The following PCDHA1 variants were observed in gnomAD, a reference collection of about 807,000 sequenced individuals.
The protein encoded by PCDHA1 is protocadherin alpha-1.
PCDHA1 carries 42 observed loss-of-function variants against 61.3 expected under a neutral mutation model. The ratio of observed to expected loss-of-function variants is 0.69; its 90% CI spans 0.54 to 0.89. The LOEUF (loss-of-function observed/expected upper bound fraction) is 0.89. Among genes scored for constraint, PCDHA1 ranks in the 40% least tolerant of loss-of-function variants. The pLI is 0.00. For missense variants in PCDHA1, 1,256 were observed against 1,235.3 expected (o/e 1.02, Z -0.25); for synonymous variants, 610 against 553.8 (o/e 1.10, Z -1.43).
At chr5:140,920,855 A>AC (rs1163764054) in intron 1 of PCDHA1, among the ~76,000 whole-genome samples, 5 of 151,976 alleles carry the variant, frequency 3.3e-5, no homozygotes, top group African/African-American at 4.8e-5. Context: ...AAAAAAAAAA[A>AC]AAACAAACAA....
rs1237282908 is a variant in PCDHA1, at chr5:140,877,400, C to T, written c.2394+88716C>T. ...CGCATCCTGGATGAGGCGGACGCTC[C>T]GCGCCACCGCCTGCTGGTGCTGGTG... On this transcript the variant is annotated intron_variant, in intron 1 of 3. Coordinates refer to ENST00000504120, the MANE Select transcript of PCDHA1 (RefSeq NM_018900.4). The T allele has an allele frequency of 7.4e-6, 12 of 1,613,804 alleles. No homozygotes were observed. The Admixed American group carries it at 1.8e-4, about 25-fold the overall frequency.
At chr5:140,974,865 G>A (rs1042029401) in intron 1 of PCDHA1, among the ~76,000 whole-genome samples, 7 of 152,026 alleles carry the variant, frequency 4.6e-5, no homozygotes, top group African/African-American at 1.4e-4. Context: ...GCCTTAATGC[G>A]GAACAGTCTA....
intron 1 of PCDHA1, chr5:140,876,650 T>C (rs782068706): frequency 3.1e-6 from 5 of 1,614,162 alleles, no homozygotes; most frequent in South Asian, 2.2e-5. Context: ...ACACCTCATG[T>C]TCCCTTCAAG....
intron 1 of PCDHA1, among the ~76,000 whole-genome samples, chr5:140,790,860 G>T (rs543093847): frequency 6.6e-6 from 1 of 152,206 alleles, no homozygotes; most frequent in African/African-American, 2.4e-5. Flanking sequence ...ATAAATGGGC[G>T]TAGGAGTACA....
intron 1 of PCDHA1, chr5:140,842,302 T>C: frequency 6.2e-7 from 1 of 1,609,920 alleles, no homozygotes; most frequent in Middle Eastern, 1.7e-4. Context: ...ACAAAGGCCA[T>C]CCTCCCATGG....
rs2098416660 is a variant in PCDHA1, at chr5:141,010,249, T to C, written c.*312T>C. ...GCCCCGCCAGTGAGAGGTTGGACTC[T>C]CTGCCCTGTGCTCCGGGGATCCTGT... On this transcript the variant is annotated 3_prime_UTR_variant, in exon 4 of 4. Coordinates refer to ENST00000504120, the MANE Select transcript of PCDHA1 (RefSeq NM_018900.4). 2 of 1,551,772 alleles carry C rather than the reference T, an allele frequency of 1.3e-6. No homozygotes were observed. Among genetic ancestry groups the C allele is most frequent in the Non-Finnish European group, 1.7e-6 (2 of 1,147,036 alleles).
At chr5:140,927,527 C>G in intron 1 of PCDHA1, 1 of 1,614,084 alleles carries the variant, frequency 6.2e-7, no homozygotes, top group African/African-American at 1.3e-5. Context: ...GGGCTACCTG[C>G]CCGCTCAGGA....
intron 1 of PCDHA1, chr5:140,836,648 G>A (rs2150266786): frequency 1.4e-5 from 22 of 1,613,364 alleles, no homozygotes; most frequent in Non-Finnish European, 1.8e-5. Flanking sequence ...AGCAGAGGCG[G>A]CAGAGGGTGT....
At chr5:141,009,511 G>C in intron 3 of PCDHA1, 116 bp from the exon 4 acceptor site, 2 of 1,498,174 alleles carry the variant, frequency 1.3e-6, no homozygotes, top group Non-Finnish European at 1.8e-6. Context: ...CAAACAACTC[G>C]TGATTTTTCT....
intron 1 of PCDHA1, chr5:140,858,372 C>CACATCT: frequency 6.3e-7 from 1 of 1,587,864 alleles, no homozygotes; most frequent in Non-Finnish European, 8.6e-7. Flanking sequence ...CCCAGCCTTC[C>CACATCT]ACCATGCCCA....
At chr5:140,848,505 T>C in intron 1 of PCDHA1, 1 of 1,587,952 alleles carries the variant, frequency 6.3e-7, no homozygotes, top group Non-Finnish European at 8.6e-7. Flanking sequence ...AATGTTATAC[T>C]CAAGTCGAGG....
intron 1 of PCDHA1, chr5:140,808,841 C>A (rs1554124838): frequency 1.2e-6 from 2 of 1,613,098 alleles, no homozygotes; most frequent in South Asian, 1.1e-5. Flanking sequence ...CGTGACGCTG[C>A]AGGTGTTCGT....
At chr5:140,902,729 C>T (rs1554190627) in intron 1 of PCDHA1, among the ~76,000 whole-genome samples, 1 of 152,068 alleles carries the variant, frequency 6.6e-6, no homozygotes, top group East Asian at 1.9e-4. Flanking sequence ...CCCTTCCCTC[C>T]AAGTCCCCCA....
intron 1 of PCDHA1, chr5:140,929,214 G>A: frequency 1.2e-6 from 2 of 1,614,076 alleles, no homozygotes; most frequent in Non-Finnish European, 1.7e-6. Context: ...TGCGTGGGGA[G>A]TACAATGCTG....
chr5:140,876,718 G>A (rs1554168825), intron 1 of PCDHA1: 4 of 1,614,124 alleles, frequency 2.5e-6, no homozygotes, highest in African/African-American at 2.7e-5. Context: ...CCTGGACCGC[G>A]AGAGCGTGTC....
At chr5:140,848,832 C>A in intron 1 of PCDHA1, 1 of 1,590,228 alleles carries the variant, frequency 6.3e-7, no homozygotes. Flanking sequence ...CGTAGACAGG[C>A]CGCTGCAGGT....
chr5:140,790,651 T>C (rs1342154571), intron 1 of PCDHA1, among the ~76,000 whole-genome samples: 5 of 152,176 alleles, frequency 3.3e-5, no homozygotes, highest in African/African-American at 1.2e-4. Flanking sequence ...AAAAAATAGA[T>C]CAGAAAATCA....
At chr5:140,917,170 G>A (rs1196393398) in intron 1 of PCDHA1, among the ~76,000 whole-genome samples, 1 of 152,184 alleles carries the variant, frequency 6.6e-6, no homozygotes, top group African/African-American at 2.4e-5. Context: ...AGGGGTGATG[G>A]TGGTGATCCC....
chr5:140,792,406 G>C (rs1554118796), intron 1 of PCDHA1, among the ~76,000 whole-genome samples: 1 of 152,120 alleles, frequency 6.6e-6, no homozygotes, highest in African/African-American at 2.4e-5. Flanking sequence ...CCTCAGAAAA[G>C]TGATGTCTTT....
Sources: gnomAD v4.1 joint callset for allele counts (sites outside exome capture counted in the v4.1 genomes callset) on GRCh38, gnomAD v4.1.1 for gene constraint, MANE v1.5 for transcripts, NCBI Gene and HGNC (gene_info 2026-07-23, HGNC 2026-07-21) for gene names.